The following USO1 variants were observed in gnomAD, a reference collection of about 807,000 sequenced individuals.
USO1 encodes USO1 vesicle transport factor, also known as general vesicular transport factor p115.
In USO1, 57 loss-of-function variants were observed where a neutral mutation model predicts 124.5. That is an observed-to-expected ratio of 0.46 (90% CI 0.37 to 0.57). The LOEUF (loss-of-function observed/expected upper bound fraction) is 0.57, where lower values mean the gene tolerates loss of function less well. Among genes scored for constraint, USO1 ranks in the 20% least tolerant of loss-of-function variants. The pLI is 0.00. For synonymous variants in USO1, 369 were observed against 362.8 expected (o/e 1.02, Z -0.19); for missense variants, 900 against 1,040.6 (o/e 0.86, Z 1.86).
At chr4:75,805,710 A>G (rs904073191) in intron 19 of USO1, among the ~76,000 whole-genome samples, 5 of 136,452 alleles carry the variant, frequency 3.7e-5, no homozygotes, top group African/African-American at 5.3e-5. Context: ...CTTTCCATCT[A>G]AAAAAAAAAA....
At chr4:75,792,525 G>A (rs1385780192) in intron 12 of USO1, among the ~76,000 whole-genome samples, 1 of 151,688 alleles carries the variant, frequency 6.6e-6, no homozygotes, top group Non-Finnish European at 1.5e-5. Flanking sequence ...CAACAAGAGT[G>A]AGACTCTATC....
intron 4 of USO1, among the ~76,000 whole-genome samples, chr4:75,766,236 T>A (rs1177596708): frequency 1.3e-5 from 2 of 152,208 alleles, no homozygotes; most frequent in Non-Finnish European, 2.9e-5. Context: ...TTTTCTTATG[T>A]CTTTTGCATC....
At chr4:75,768,158 A>G (rs754539798) in intron 4 of USO1, among the ~76,000 whole-genome samples, 5 of 152,158 alleles carry the variant, frequency 3.3e-5, no homozygotes, top group Non-Finnish European at 5.9e-5. Context: ...CTGGGACTAC[A>G]GGCATGCGCC....
At chr4:75,737,446 T>TG (rs1050848112) in intron 1 of USO1, among the ~76,000 whole-genome samples, 7 of 152,130 alleles carry the variant, frequency 4.6e-5, no homozygotes, top group East Asian at 1.9e-4. Flanking sequence ...ATTAAAAAGA[T>TG]GGGGGGTCTT....
chr4:75,790,284 T>G, intron 11 of USO1, 46 bp downstream of exon 11: 2 of 1,551,982 alleles, frequency 1.3e-6, no homozygotes, highest in Non-Finnish European at 1.7e-6. Context: ...AGTAAAAACT[T>G]TGGGTTGTTA....
rs1722600402 is a variant in USO1 at position 75,793,793 on chromosome 4, G to A, written c.1344G>A (p.Leu448=). 6.2e-7 allele frequency: 1 copy of A among 1,613,954 alleles called. No homozygotes were observed. The stretch of plus-strand genomic sequence containing the variant: ...CTGCTGTGGCCCTTGCCCATGCGTT[G>A]CAAGAAAATGCCACCCAGAAAGAAC... ...WCAAVALAHA[L]QENATQKEQL... Residue 448 remains leucine (L), a synonymous_variant, in exon 13 of 24, where the codon TTG becomes TTA. Transcript: ENST00000514213.
intron 4 of USO1, among the ~76,000 whole-genome samples, chr4:75,758,878 A>C (rs1481041429): frequency 6.6e-6 from 1 of 152,236 alleles, no homozygotes. Flanking sequence ...AATACACACA[A>C]GAATATACTT....
In USO1 at chr4:75,793,727, T is replaced by C; in HGVS notation, c.1278T>C (p.Cys426=). The C allele has an allele frequency of 6.2e-7, 1 of 1,612,646 alleles. No homozygotes were observed. The highest frequency in any genetic ancestry group is 8.5e-7 in the Non-Finnish European group (1 of 1,179,214). Residue 426 remains cysteine, a synonymous_variant, in exon 13 of 24, where the codon TGT becomes TGC. Coordinates refer to ENST00000514213, the MANE Select transcript of USO1 (RefSeq NM_003715.4). The part of the protein sequence containing the change: ...GNSVSAGQLL[C]GGLFSTDSLS... ...CAGTTTCAGCTGGCCAGTTATTATG[T>C]GGAGGTTTGTTTTCTACTGATTCAC...
chr4:75,770,628 C>T, intron 5 of USO1, 89 bp downstream of exon 5: 1 of 1,480,060 alleles, frequency 6.8e-7, no homozygotes, highest in Non-Finnish European at 9.0e-7. Flanking sequence ...ATGTATATAC[C>T]TTTAAAGGTA....
intron 9 of USO1, 43 bp from the exon 10 acceptor site, chr4:75,787,019 C>T: frequency 6.5e-7 from 1 of 1,537,610 alleles, no homozygotes; most frequent in Non-Finnish European, 8.7e-7. Context: ...CAAGCCTTTT[C>T]AAATCTTTAA....
chr4:75,810,304 A>C, intron 21 of USO1, 128 bp from the exon 22 acceptor site: 1 of 1,063,760 alleles, frequency 9.4e-7, no homozygotes, highest in South Asian at 2.0e-5. Context: ...ACATAAATAC[A>C]TAAGGAATTA....
At chr4:75,762,251 A>G (rs537378984) in intron 4 of USO1, among the ~76,000 whole-genome samples, 1 of 139,706 alleles carries the variant, frequency 7.2e-6, no homozygotes, top group African/African-American at 2.7e-5. Flanking sequence ...GCTCACTGCA[A>G]CCTCTGCCTC....
At chr4:75,774,038 T>TA (rs2149169964) in intron 7 of USO1, among the ~76,000 whole-genome samples, 1 of 152,302 alleles carries the variant, frequency 6.6e-6, no homozygotes, top group South Asian at 2.1e-4. Context: ...TATTGAATGA[T>TA]AAAGATATTA....
At chr4:75,741,577 A>G (rs1462733578) in intron 1 of USO1, among the ~76,000 whole-genome samples, 1 of 109,446 alleles carries the variant, frequency 9.1e-6, no homozygotes, top group African/African-American at 3.4e-5. Flanking sequence ...GCTTTTTCCT[A>G]TTTTAAAATT....
chr4:75,798,064 A>T (rs183410226), intron 13 of USO1, among the ~76,000 whole-genome samples: 2 of 152,272 alleles, frequency 1.3e-5, no homozygotes, highest in East Asian at 3.9e-4. Flanking sequence ...TTTAGATTTT[A>T]TACCATTTTG....
intron 8 of USO1, among the ~76,000 whole-genome samples, chr4:75,779,118 G>A (rs945697283): frequency 1.3e-5 from 2 of 152,094 alleles, no homozygotes; most frequent in African/African-American, 4.8e-5. Flanking sequence ...CCATATAAGA[G>A]GGCAAACTTA....
At chr4:75,792,614 CT>C (rs753427656) in intron 12 of USO1, among the ~76,000 whole-genome samples, 1 of 151,990 alleles carries the variant, frequency 6.6e-6, no homozygotes, top group Non-Finnish European at 1.5e-5. Context: ...CGAGAATCAC[CT>C]GAGCCTGGGA....
At position 75,812,426 on chromosome 4, in the gene USO1, G is replaced by T. The variant is rs534606479; in HGVS notation, c.2799+51G>T. 159 of 1,511,900 alleles carry T rather than the reference G, an allele frequency of 1.1e-4. No homozygotes were observed. In the South Asian group the frequency reaches 2.0e-3, roughly 19 times the overall value. The allele number at this position is 1,511,900 out of a possible 1,614,324, so 93.7% of individuals were successfully genotyped here. Reference sequence around the variant, plus strand: ...GATTTGTATTATGTTTTAGTATAATGCATTTAAAAGATTTTTAATGTAACA... The same window carrying T: ...GATTTGTATTATGTTTTAGTATAATTCATTTAAAAGATTTTTAATGTAACA... On this transcript the variant is annotated intron_variant, in intron 23 of 23. Coordinates refer to ENST00000514213, the MANE Select transcript of USO1 (RefSeq NM_003715.4).
In USO1 at chr4:75,756,246, A is replaced by C. The variant is rs929205090; in HGVS notation, c.219-1251A>C. Among the ~76,000 whole-genome samples the C allele has an allele frequency of 3.3e-5, 5 of 151,668 alleles. 1 individual carries two copies. The highest frequency in any genetic ancestry group is 3.3e-4 in the Admixed American group (5 of 15,222). On this transcript the variant is annotated intron_variant, in intron 3 of 23. Transcript: ENST00000514213. Reference sequence around the variant, plus strand: ...TGTAGTGATAGAAAAAAAGGACTCAACCTGCTCTTGGTGGCTTTGAAAATG... The same window carrying C: ...TGTAGTGATAGAAAAAAAGGACTCACCCTGCTCTTGGTGGCTTTGAAAATG...
Sources: gnomAD v4.1 joint callset for allele counts (sites outside exome capture counted in the v4.1 genomes callset) on GRCh38, gnomAD v4.1.1 for gene constraint, MANE v1.5 for transcripts, NCBI Gene and HGNC (gene_info 2026-07-23, HGNC 2026-07-21) for gene names.